C8orf34: variants seen among roughly 807,000 people sequenced by gnomAD.
C8orf34 encodes uncharacterized protein C8orf34.
A neutral mutation model predicts 68.3 loss-of-function variants in C8orf34; 65 were observed. The ratio of observed to expected loss-of-function variants is 0.95; its 90% CI spans 0.78 to 1.17. The LOEUF is 1.17. C8orf34 is among the 50% of genes most tolerant of loss of function. The probability of loss-of-function intolerance (pLI) is 0.00; values close to 1 mark genes in which losing one functional copy is unlikely to be tolerated. For missense variants in C8orf34, 664 were observed against 655.4 expected (o/e 1.01, Z -0.14); for synonymous variants, 244 against 241.2 (o/e 1.01, Z -0.11).
At chr8:68,684,663 C>T (rs940206223) in intron 8 of C8orf34, among the ~76,000 whole-genome samples, 1 of 151,846 alleles carries the variant, frequency 6.6e-6, no homozygotes, top group Non-Finnish European at 1.5e-5. Context: ...AATATTTAGC[C>T]TTTAATATTC....
At chr8:68,696,355 T>C (rs1278133312) in intron 8 of C8orf34, among the ~76,000 whole-genome samples, 2 of 148,618 alleles carry the variant, frequency 1.3e-5, no homozygotes, top group African/African-American at 2.4e-5. Flanking sequence ...ATATTGATTA[T>C]ATATATAGAT....
intron 12 of C8orf34, among the ~76,000 whole-genome samples, chr8:68,808,793 C>T (rs1418593721): frequency 6.6e-6 from 1 of 152,038 alleles, no homozygotes; most frequent in African/African-American, 2.4e-5. Flanking sequence ...CATAGGACAA[C>T]TATATTTAGT....
intron 1 of C8orf34, among the ~76,000 whole-genome samples, chr8:68,372,918 A>T (rs1034036896): frequency 6.6e-6 from 1 of 152,224 alleles, no homozygotes; most frequent in Admixed American, 6.5e-5. Context: ...GCAGAGTACC[A>T]GCCCCTTCCT....
intron 8 of C8orf34, among the ~76,000 whole-genome samples, chr8:68,682,660 C>T (rs1358534318): frequency 2.6e-5 from 4 of 152,126 alleles, no homozygotes; most frequent in Non-Finnish European, 2.9e-5. Context: ...TGGTGTATTC[C>T]TGTCTCCTAA....
At chr8:68,710,562 C>T (rs540051241) in intron 9 of C8orf34, among the ~76,000 whole-genome samples, 28 of 152,242 alleles carry the variant, frequency 1.8e-4, no homozygotes, top group African/African-American at 6.0e-4. Flanking sequence ...CCATAATCTC[C>T]CTGGGAATAT....
At chr8:68,615,364 T>A (rs1343639896) in intron 7 of C8orf34, among the ~76,000 whole-genome samples, 1 of 151,096 alleles carries the variant, frequency 6.6e-6, no homozygotes, top group Non-Finnish European at 1.5e-5. Context: ...CCCTGTCTTG[T>A]GCCAGTTTTC....
intron 6 of C8orf34, among the ~76,000 whole-genome samples, chr8:68,532,172 A>C (rs1815275147): frequency 6.6e-6 from 1 of 152,136 alleles, no homozygotes; most frequent in African/African-American, 2.4e-5. Context: ...TCAGGAAGGA[A>C]CACAGAAAAA....
chr8:68,346,735 C>CTT (rs1056048831), intron 1 of C8orf34, among the ~76,000 whole-genome samples: 83 of 152,168 alleles, frequency 5.5e-4, no homozygotes, highest in African/African-American at 2.0e-3. Context: ...CACTTAGTAA[C>CTT]TTGCAGTTAA....
At chr8:68,418,466 C>A (rs1011065287) in intron 1 of C8orf34, among the ~76,000 whole-genome samples, 5 of 152,052 alleles carry the variant, frequency 3.3e-5, no homozygotes, top group African/African-American at 9.7e-5. Context: ...TGAAATACGT[C>A]CCATCAATAC....
intron 1 of C8orf34, among the ~76,000 whole-genome samples, chr8:68,348,298 C>T (rs908256046): frequency 6.6e-6 from 1 of 151,930 alleles, no homozygotes; most frequent in Non-Finnish European, 1.5e-5. Context: ...TTTCTGGGCT[C>T]TCTATTCTGT....
At chr8:68,488,729 T>G (rs1423731898) in intron 5 of C8orf34, among the ~76,000 whole-genome samples, 2 of 152,170 alleles carry the variant, frequency 1.3e-5, no homozygotes, top group African/African-American at 4.8e-5. Context: ...CATTAAGAGT[T>G]CTCATTTAGA....
At chr8:68,717,247 G>A (rs192916260) in intron 9 of C8orf34, among the ~76,000 whole-genome samples, 1 of 152,070 alleles carries the variant, frequency 6.6e-6, no homozygotes, top group Non-Finnish European at 1.5e-5. Context: ...ATGTTCTTTA[G>A]GAAAACATAA....
intron 8 of C8orf34, among the ~76,000 whole-genome samples, chr8:68,665,012 A>G (rs955445130): frequency 2.6e-5 from 4 of 152,216 alleles, no homozygotes; most frequent in African/African-American, 7.2e-5. Context: ...TTATCCAACT[A>G]CATGATACTC....
intron 12 of C8orf34, among the ~76,000 whole-genome samples, chr8:68,813,718 A>T (rs1328828115): frequency 6.6e-6 from 1 of 152,058 alleles, no homozygotes; most frequent in East Asian, 1.9e-4. Context: ...GGCTCCTAAC[A>T]TTTGTTGTTG....
intron 11 of C8orf34, among the ~76,000 whole-genome samples, chr8:68,780,933 C>T (rs1823657376): frequency 6.6e-6 from 1 of 152,174 alleles, no homozygotes; most frequent in Non-Finnish European, 1.5e-5. Context: ...TGGAAGCAGT[C>T]CATTACATGT....
intron 7 of C8orf34, among the ~76,000 whole-genome samples, chr8:68,632,864 C>A (rs1818732852): frequency 6.6e-6 from 1 of 152,100 alleles, no homozygotes; most frequent in African/African-American, 2.4e-5. Context: ...GCTTTGGGAG[C>A]CTCCATCTAG....
intron 8 of C8orf34, among the ~76,000 whole-genome samples, chr8:68,651,614 G>A (rs1022419555): frequency 6.6e-6 from 1 of 152,190 alleles, no homozygotes; most frequent in East Asian, 1.9e-4. Flanking sequence ...GCATGGATGA[G>A]CTGGAGGCTA....
chr8:68,500,095 A>T (rs1356748612), intron 5 of C8orf34, among the ~76,000 whole-genome samples: 1 of 152,218 alleles, frequency 6.6e-6, no homozygotes, highest in East Asian at 1.9e-4. Context: ...CCAGAAGCAG[A>T]TGCCAGCACC....
At position 68,466,013 on chromosome 8, in the gene C8orf34, T is replaced by A. The variant is rs930485142; in HGVS notation, c.608-2679T>A. 2.2e-5 allele frequency among the ~76,000 whole-genome samples: 3 copies of A among 138,460 alleles called. No homozygotes were observed. In the East Asian group the frequency reaches 6.4e-4, roughly 30 times the overall value. The allele number at this position is 138,460 out of a possible 152,430, so 90.8% of individuals were successfully genotyped here. ...ATAAAAAAAGAAAATTTGGTGCGTA[T>A]ACACAATGAAATACTATTTGGTCAT... On this transcript the variant is annotated intron_variant, in intron 3 of 13. Transcript: ENST00000518698.
Sources: allele counts gnomAD v4.1 joint callset (sites outside exome capture counted in the v4.1 genomes callset), GRCh38; gene constraint gnomAD v4.1.1; transcripts MANE v1.5; gene names NCBI Gene and HGNC (gene_info 2026-07-23, HGNC 2026-07-21).